Variants in DYNLL1 observed in about 807,000 individuals in gnomAD.
DYNLL1 encodes the protein dynein light chain 1, cytoplasmic.
DYNLL1 carries 3 observed loss-of-function variants against 10.1 expected under a neutral mutation model. That is an observed-to-expected ratio of 0.30 (90% CI 0.14 to 0.77). The LOEUF (loss-of-function observed/expected upper bound fraction) is 0.77. Among genes scored for constraint, DYNLL1 ranks in the 30% least tolerant of loss-of-function variants. The pLI is 0.66. For synonymous variants in DYNLL1, 46 were observed against 41.2 expected, an observed-to-expected ratio of 1.12 and a Z score of -0.45; for missense variants, 47 against 111.7, an observed-to-expected ratio of 0.42 and a Z score of 2.61.
At chr12:120,481,311 A>G (rs1878875207) in intron 1 of DYNLL1, among the ~76,000 whole-genome samples, 1 of 152,118 alleles carries the variant, frequency 6.6e-6, no homozygotes, top group African/African-American at 2.4e-5. Context: ...GACACTAACT[A>G]CCCAGAGTTA....
intron 1 of DYNLL1, among the ~76,000 whole-genome samples, chr12:120,474,753 A>G (rs972388321): frequency 1.3e-5 from 2 of 152,140 alleles, no homozygotes; most frequent in African/African-American, 4.8e-5. Flanking sequence ...GGCCCTAGGT[A>G]TCAGTGGGCA....
intron 1 of DYNLL1, among the ~76,000 whole-genome samples, chr12:120,470,468 A>C (rs1878621858): frequency 6.6e-6 from 1 of 151,844 alleles, no homozygotes; most frequent in African/African-American, 2.4e-5. Context: ...GCACCAGAAG[A>C]CTTTTTGTTT....
chr12:120,487,644 G>A (rs1431414038), intron 1 of DYNLL1, among the ~76,000 whole-genome samples: 1 of 152,134 alleles, frequency 6.6e-6, no homozygotes, highest in Non-Finnish European at 1.5e-5. Flanking sequence ...AAGGGGGTGG[G>A]CTAGCTTGAA....
intron 1 of DYNLL1, among the ~76,000 whole-genome samples, chr12:120,483,844 G>A (rs375275299): frequency 6.6e-5 from 10 of 152,246 alleles, no homozygotes; most frequent in African/African-American, 2.4e-4. Flanking sequence ...AGGAGCCTGA[G>A]GTGGAGCAGC....
chr12:120,477,931 G>C (rs1005125330), intron 1 of DYNLL1, among the ~76,000 whole-genome samples: 4 of 151,964 alleles, frequency 2.6e-5, no homozygotes, highest in African/African-American at 9.7e-5. Context: ...GAGATTACAG[G>C]CATACGCCAC....
At chr12:120,494,972 A>G (rs1879228163), upstream of DYNLL1, among the ~76,000 whole-genome samples, 1 of 152,242 alleles carries the variant, frequency 6.6e-6, no homozygotes, top group Non-Finnish European at 1.5e-5. Context: ...TTGATCATTT[A>G]CTATGTGCCT....
In DYNLL1 at chr12:120,496,178, C is replaced by A. The variant is rs914593387; in HGVS notation, c.-45C>A. On this transcript the variant is annotated 5_prime_UTR_variant, in exon 1 of 3. Transcript: ENST00000242577. ...GGCCTGAGCTGTGCTAGCACCTCCC[C>A]CAGGAGACCGTTGCAGTCGGCCAGC... 34 of 616,234 alleles carry A rather than the reference C, an allele frequency of 5.5e-5. No individual in the cohort carries two copies. The highest frequency in any genetic ancestry group is 9.6e-5 in the Non-Finnish European group (34 of 352,888). 38.2% of individuals were successfully genotyped at this position (616,234 alleles called of 1,614,324 possible).
chr12:120,489,005 C>A (rs1485003062), intron 1 of DYNLL1, among the ~76,000 whole-genome samples: 1 of 152,182 alleles, frequency 6.6e-6, no homozygotes, highest in Non-Finnish European at 1.5e-5. Context: ...AGCACTTAGG[C>A]AGGAAAATTA....
At chr12:120,496,753 T>G (rs1868429373) in intron 2 of DYNLL1, 200 bp downstream of exon 2, 1 of 747,912 alleles carries the variant, frequency 1.3e-6, no homozygotes. Flanking sequence ...TTTTTTTTTT[T>G]TTTTTTTAAT....
At chr12:120,496,106 G>A (rs937320993), upstream of DYNLL1, 3 of 464,310 alleles carry the variant, frequency 6.5e-6, no homozygotes, top group Non-Finnish European at 1.2e-5. Flanking sequence ...CTGGCGTGGG[G>A]CTGCTTAGAT....
At chr12:120,491,408 G>C (rs1363505880), upstream of DYNLL1, 5 of 152,402 alleles carry the variant, frequency 3.3e-5, no homozygotes, top group East Asian at 9.6e-4. Flanking sequence ...CCTAGGCCTT[G>C]CAATCTCTCC....
chr12:120,473,010 C>T (rs10849753), intron 1 of DYNLL1, among the ~76,000 whole-genome samples: 39,502 of 152,048 alleles, frequency 0.26, 5,981 homozygotes, highest in East Asian at 0.5. Flanking sequence ...TCTAGATATT[C>T]AACATTATTT....
At position 120,496,697 on chromosome 12, in the gene DYNLL1, C is replaced by T. The variant is rs957863009; in HGVS notation, c.132+144C>T. Reference sequence around the variant, plus strand: ...GAAGCTTCCAGAAAGGACGCAGATGCATTTTGCGCTCCTGTGGAGAAGACC... The same window carrying T: ...GAAGCTTCCAGAAAGGACGCAGATGTATTTTGCGCTCCTGTGGAGAAGACC... On this transcript the variant is annotated intron_variant, in intron 2 of 2. Transcript: ENST00000242577. 3.0e-6 allele frequency: 4 copies of T among 1,325,972 alleles called. No individual in the cohort carries two copies. The African/African-American group carries it at 4.4e-5, about 15-fold the overall frequency. The allele number at this position is 1,325,972 out of a possible 1,614,324, so 82.1% of individuals were successfully genotyped here.
At position 120,496,182 on chromosome 12, in the gene DYNLL1, G is replaced by T; in HGVS notation, c.-41G>T. The T allele has an allele frequency of 1.6e-6, 1 of 621,800 alleles. No homozygotes were observed. The highest frequency in any genetic ancestry group is 2.0e-5 in the South Asian group (1 of 51,234). 38.5% of individuals were successfully genotyped at this position (621,800 alleles called of 1,614,324 possible). On this transcript the variant is annotated 5_prime_UTR_variant, in exon 1 of 3. Coordinates refer to ENST00000242577, the MANE Select transcript of DYNLL1 (RefSeq NM_003746.3). ...TGAGCTGTGCTAGCACCTCCCCCAG[G>T]AGACCGTTGCAGTCGGCCAGCCCCC...
At chr12:120,490,086 T>G (rs1879090474) in intron 1 of DYNLL1, among the ~76,000 whole-genome samples, 1 of 152,218 alleles carries the variant, frequency 6.6e-6, no homozygotes, top group African/African-American at 2.4e-5. Context: ...TTATCAGAGA[T>G]AAATATTTTT....
chr12:120,471,190 C>G (rs1878641757), intron 1 of DYNLL1, among the ~76,000 whole-genome samples: 2 of 150,856 alleles, frequency 1.3e-5, no homozygotes, highest in South Asian at 2.1e-4. Context: ...ATGGCAAGAC[C>G]CGCCCCCCTA....
chr12:120,476,927 G>T (rs1245115275), intron 1 of DYNLL1, among the ~76,000 whole-genome samples: 8 of 143,048 alleles, frequency 5.6e-5, no homozygotes, highest in Middle Eastern at 3.6e-3. Context: ...TTTTTGTTTT[G>T]TTTTTTTTGT....
intron 1 of DYNLL1, among the ~76,000 whole-genome samples, chr12:120,476,333 A>T (rs879556054): frequency 2.6e-4 from 39 of 152,166 alleles, no homozygotes; most frequent in Non-Finnish European, 4.6e-4. Context: ...AGTTAAAAAA[A>T]AATAATAATA....
At chr12:120,479,826 T>TA (rs1878844412) in intron 1 of DYNLL1, among the ~76,000 whole-genome samples, 1 of 152,176 alleles carries the variant, frequency 6.6e-6, no homozygotes, top group Non-Finnish European at 1.5e-5. Context: ...ACAAGCTACT[T>TA]ACAGTGAGAT....
Sources: allele counts gnomAD v4.1 joint callset (sites outside exome capture counted in the v4.1 genomes callset), GRCh38; gene constraint gnomAD v4.1.1; transcripts MANE v1.5; gene names NCBI Gene and HGNC (gene_info 2026-07-23, HGNC 2026-07-21).